Variants in PDLIM5 observed in about 807,000 individuals in gnomAD.
PDLIM5 encodes PDZ and LIM domain protein 5.
PDLIM5 carries 34 observed loss-of-function variants against 64.2 expected under a neutral mutation model. That is an observed-to-expected ratio of 0.53 (90% CI 0.40 to 0.71). The LOEUF is 0.71. Among genes scored for constraint, PDLIM5 ranks in the 30% least tolerant of loss-of-function variants. The pLI is 0.00. For missense variants in PDLIM5, 683 were observed against 733.6 expected (o/e 0.93, Z 0.80); for synonymous variants, 253 against 269.1 (o/e 0.94, Z 0.59).
At chr4:94,506,287 T>A (rs1728390811) in intron 2 of PDLIM5, among the ~76,000 whole-genome samples, 1 of 152,236 alleles carries the variant, frequency 6.6e-6, no homozygotes, top group Non-Finnish European at 1.5e-5. Flanking sequence ...TGGTGATTGT[T>A]TCTCTGATAC....
At chr4:94,554,725 T>TA (rs1733119205) in intron 3 of PDLIM5, among the ~76,000 whole-genome samples, 5 of 152,320 alleles carry the variant, frequency 3.3e-5, no homozygotes, top group Admixed American at 2.6e-4. Context: ...CAATTGTTTT[T>TA]AAAGTTTGCT....
chr4:94,569,316 C>CGTTT (rs1349177076), intron 3 of PDLIM5, among the ~76,000 whole-genome samples: 3 of 138,572 alleles, frequency 2.2e-5, no homozygotes, highest in East Asian at 2.0e-4. Flanking sequence ...TTTACCCCTT[C>CGTTT]GTTTGTTTGT....
At chr4:94,494,432 G>GTTTTTTTTTTTTTTTTTT (rs61675663) in intron 2 of PDLIM5, among the ~76,000 whole-genome samples, 20 of 70,768 alleles carry the variant, frequency 2.8e-4, no homozygotes, top group Non-Finnish European at 3.6e-4. Flanking sequence ...TTTTTTTCTT[G>GTTTTTTTTTTTTTTTTTT]TTTTTTTTTT....
intron 7 of PDLIM5, among the ~76,000 whole-genome samples, chr4:94,607,078 C>T (rs181712213): frequency 6.6e-6 from 1 of 152,292 alleles, no homozygotes; most frequent in East Asian, 1.9e-4. Flanking sequence ...AACCTTTCTG[C>T]TCTACCTCTT....
chr4:94,474,551 C>A (rs1222310063), intron 2 of PDLIM5, among the ~76,000 whole-genome samples: 1 of 152,162 alleles, frequency 6.6e-6, no homozygotes, highest in Non-Finnish European at 1.5e-5. Flanking sequence ...ATGCCTGGCC[C>A]ATTTACACCT....
chr4:94,547,908 G>A (rs1732464896), intron 3 of PDLIM5, among the ~76,000 whole-genome samples: 1 of 152,124 alleles, frequency 6.6e-6, no homozygotes, highest in Non-Finnish European at 1.5e-5. Flanking sequence ...TTGAGAAAAT[G>A]TCAGTGTTTG....
chr4:94,651,598 A>C (rs974576351), intron 9 of PDLIM5, among the ~76,000 whole-genome samples: 12 of 152,232 alleles, frequency 7.9e-5, no homozygotes, highest in Admixed American at 7.9e-4. Context: ...CGATACTAAA[A>C]TAATGACCTG....
chr4:94,457,084 A>T (rs1578187541), intron 2 of PDLIM5: 2 of 866,132 alleles, frequency 2.3e-6, no homozygotes, highest in East Asian at 2.4e-4. Context: ...ATATATACAC[A>T]CACATACTCT....
chr4:94,571,094 G>T (rs1014166973), intron 3 of PDLIM5, among the ~76,000 whole-genome samples: 1 of 152,104 alleles, frequency 6.6e-6, no homozygotes, highest in African/African-American at 2.4e-5. Flanking sequence ...ACACTGCATT[G>T]GGTATTCAAA....
At chr4:94,530,547 A>ATATATATATATATATAT (rs1730778788) in intron 3 of PDLIM5, among the ~76,000 whole-genome samples, 2 of 131,086 alleles carry the variant, frequency 1.5e-5, no homozygotes, top group African/African-American at 2.9e-5. Context: ...ATATATATAT[A>ATATATATATATATATAT]GTTTTTCTAC....
intron 2 of PDLIM5, among the ~76,000 whole-genome samples, chr4:94,520,912 AT>A (rs746024507): frequency 2.0e-5 from 3 of 152,238 alleles, no homozygotes; most frequent in East Asian, 3.8e-4. Context: ...GTTGATGGGC[AT>A]TTGTTTCCAT....
At chr4:94,527,417 A>T (rs894093405) in intron 3 of PDLIM5, among the ~76,000 whole-genome samples, 1 of 151,934 alleles carries the variant, frequency 6.6e-6, no homozygotes, top group Non-Finnish European at 1.5e-5. Context: ...CAACCAGATT[A>T]CTCTGAATTC....
At chr4:94,504,357 G>A (rs1014316375) in intron 2 of PDLIM5, among the ~76,000 whole-genome samples, 4 of 151,466 alleles carry the variant, frequency 2.6e-5, no homozygotes, top group East Asian at 1.9e-4. Flanking sequence ...GCACTATCTC[G>A]GCTCATTGCA....
Position 94,575,991 on chromosome 4 carries a change from G to T in PDLIM5, c.667G>T (p.Gly223Ter). Residue 223 changes from glycine (G) to a stop codon, truncating the protein, a stop_gained, in exon 5 of 13, where the codon GGA becomes TGA. Transcript: ENST00000317968. LOFTEE classifies it high-confidence loss of function. ...CGAGACTTCTCAGGAGCTAGCAGAG[G>T]GACAGAGAAGAGGATCCCAGGGTGA... is the stretch of plus-strand genomic sequence containing the variant. ...CSETSQELAE[G>*]QRRGSQGDSK... is the part of the protein sequence containing the mutation. The T allele has an allele frequency of 6.2e-7, 1 of 1,614,084 alleles. No homozygotes were observed. Among genetic ancestry groups the T allele is most frequent in the Non-Finnish European group, 8.5e-7 (1 of 1,179,990 alleles).
At chr4:94,588,981 A>T (rs560798776) in intron 7 of PDLIM5, among the ~76,000 whole-genome samples, 1 of 152,362 alleles carries the variant, frequency 6.6e-6, no homozygotes, top group South Asian at 2.1e-4. Context: ...TTCTTCAGAT[A>T]CTAAGACAGA....
At chr4:94,640,500 G>GTTTT in intron 9 of PDLIM5, 50 bp downstream of exon 9, 22 of 751,160 alleles carry the variant, frequency 2.9e-5, no homozygotes, top group Non-Finnish European at 3.9e-5. Context: ...TCAATGTTGG[G>GTTTT]TTTTTTTTTT....
At chr4:94,633,397 T>C (rs1740309941) in intron 8 of PDLIM5, among the ~76,000 whole-genome samples, 1 of 152,206 alleles carries the variant, frequency 6.6e-6, no homozygotes, top group African/African-American at 2.4e-5. Context: ...TTTCAATCCA[T>C]TGTAGTTATT....
chr4:94,555,716 C>T (rs1317528407), intron 3 of PDLIM5, among the ~76,000 whole-genome samples: 2 of 151,502 alleles, frequency 1.3e-5, no homozygotes, highest in East Asian at 1.9e-4. Context: ...ATATCGTGTG[C>T]CAATTCTATG....
chr4:94,523,611 T>C (rs1419803588), intron 2 of PDLIM5, 113 bp from the exon 3 acceptor site: 1 of 602,684 alleles, frequency 1.7e-6, no homozygotes, highest in Non-Finnish European at 2.8e-6. Context: ...CAGTTTTATG[T>C]TACTTCAATA....
Sources: allele counts gnomAD v4.1 joint callset (sites outside exome capture counted in the v4.1 genomes callset), GRCh38; gene constraint gnomAD v4.1.1; transcripts MANE v1.5; gene names NCBI Gene and HGNC (gene_info 2026-07-23, HGNC 2026-07-21).